The following LONRF1 variants were observed in gnomAD, a reference collection of about 807,000 sequenced individuals.
LONRF1 encodes the protein LON peptidase N-terminal domain and ring finger 1.
A neutral mutation model predicts 85.8 loss-of-function variants in LONRF1; 37 were observed. The ratio of observed to expected loss-of-function variants is 0.43; its 90% CI spans 0.33 to 0.57. The LOEUF (loss-of-function observed/expected upper bound fraction) is 0.57. Ranked by LOEUF, LONRF1 falls within the 20% of genes least tolerant of loss-of-function variation. The pLI is 0.04. For missense variants in LONRF1, 1,036 were observed against 978.0 expected (o/e 1.06, Z -0.79); for synonymous variants, 517 against 390.1 (o/e 1.33, Z -3.83).
intron 11 of LONRF1, among the ~76,000 whole-genome samples, 160 bp from the exon 12 acceptor site, chr8:12,723,414 C>G (rs1173730817): frequency 6.6e-6 from 1 of 152,224 alleles, no homozygotes; most frequent in Non-Finnish European, 1.5e-5. Context: ...ATGGGAGAAA[C>G]TGAAGCTCAG....
intron 11 of LONRF1, 54 bp from the exon 12 acceptor site, chr8:12,723,308 CA>C: frequency 6.6e-7 from 1 of 1,518,484 alleles, no homozygotes; most frequent in Non-Finnish European, 8.9e-7. Flanking sequence ...TATGTAACAA[CA>C]GTAGCAAACC....
intron 1 of LONRF1, among the ~76,000 whole-genome samples, chr8:12,744,497 T>C (rs1175424497): frequency 6.6e-6 from 1 of 152,206 alleles, no homozygotes. Flanking sequence ...AAGTTCAATA[T>C]GATTAATCAA....
At chr8:12,753,951 C>G (rs1309411498) in intron 1 of LONRF1, 1 of 152,388 alleles carries the variant, frequency 6.6e-6, no homozygotes, top group Non-Finnish European at 1.5e-5. Context: ...AGGAAATAAG[C>G]AGGATCTGAA....
At chr8:12,747,900 G>T (rs1014534428) in intron 1 of LONRF1, among the ~76,000 whole-genome samples, 1 of 151,916 alleles carries the variant, frequency 6.6e-6, no homozygotes, top group African/African-American at 2.4e-5. Context: ...TAAAACAAAC[G>T]GCCTCCCATA....
rs1213920772 is a variant in LONRF1, at chr8:12,722,014, T to G, written c.*1082A>C. The G allele has an allele frequency of 6.6e-6, 1 of 152,586 alleles. No individual in the cohort carries two copies. The highest frequency in any genetic ancestry group is 1.5e-5 in the Non-Finnish European group (1 of 68,024). The allele number at this position is 152,586 out of a possible 1,614,324, so 9.5% of individuals were successfully genotyped here. A position where few individuals can be genotyped will look rare whatever the true frequency, so the allele number is the denominator to read the frequency against. ...AAAGTTAATAAGGACAGTCACAAAT[T>G]TGCAACAAATAATTACAAAAGTTTC... On this transcript the variant is annotated 3_prime_UTR_variant, in exon 12 of 12. Coordinates refer to ENST00000398246, the MANE Select transcript of LONRF1 (RefSeq NM_152271.5).
intron 1 of LONRF1, chr8:12,753,424 G>C (rs1799489047): frequency 6.6e-6 from 1 of 152,194 alleles, no homozygotes; most frequent in Admixed American, 6.5e-5. Context: ...CCAATGGATA[G>C]ACACTAAGAT....
At chr8:12,736,833 G>C (rs1159547037) in intron 5 of LONRF1, 36 bp from the exon 6 acceptor site, 19 of 1,584,462 alleles carry the variant, frequency 1.2e-5, no homozygotes, top group Admixed American at 1.9e-5. Flanking sequence ...TCTTCCTTAG[G>C]AAAAACTTTA....
chr8:12,751,296 G>GTTTTTTTTTTTTTGTTT (rs1799381007), intron 1 of LONRF1, among the ~76,000 whole-genome samples: 7 of 69,558 alleles, frequency 1.0e-4, no homozygotes, highest in Non-Finnish European at 2.0e-4. Context: ...TTATTTTTAT[G>GTTTTTTTTTTTTTGTTT]TTTTTTTTTT....
chr8:12,742,141 T>C (rs895366827), intron 2 of LONRF1, among the ~76,000 whole-genome samples: 1 of 152,228 alleles, frequency 6.6e-6, no homozygotes, highest in African/African-American at 2.4e-5. Flanking sequence ...TTTAAAGCCA[T>C]GCACACTGAC....
At chr8:12,742,933 C>A (rs144920682) in intron 2 of LONRF1, among the ~76,000 whole-genome samples, 73 of 152,190 alleles carry the variant, frequency 4.8e-4, no homozygotes, top group African/African-American at 1.7e-3. Context: ...AACATGTTGC[C>A]CAAGCTGGTC....
At chr8:12,742,859 G>A (rs1015243845) in intron 2 of LONRF1, among the ~76,000 whole-genome samples, 1 of 152,008 alleles carries the variant, frequency 6.6e-6, no homozygotes, top group African/African-American at 2.4e-5. Flanking sequence ...TCGAGTAGTT[G>A]GGACTACAGG....
intron 8 of LONRF1, among the ~76,000 whole-genome samples, chr8:12,729,539 A>C (rs1324425878): frequency 2.0e-5 from 3 of 152,208 alleles, no homozygotes; most frequent in Admixed American, 2.0e-4. Context: ...TTAATACTGA[A>C]AATCTGCTGT....
At chr8:12,730,362 C>T (rs529819040) in intron 8 of LONRF1, among the ~76,000 whole-genome samples, 1 of 152,212 alleles carries the variant, frequency 6.6e-6, no homozygotes, top group Admixed American at 6.5e-5. Context: ...ATAGTTGATT[C>T]CCTTTGAGTT....
Position 12,751,296 on chromosome 8 carries a change from G to GTTTTTTTTTTGTTTGT in LONRF1, c.721+3403_721+3404insACAAACAAAAAAAAAA, listed in dbSNP as rs1563160503. Among the ~76,000 whole-genome samples, 231 of 69,528 alleles carry GTTTTTTTTTTGTTTGT rather than the reference G, an allele frequency of 3.3e-3. 5 individuals are homozygous for GTTTTTTTTTTGTTTGT. The South Asian group carries it at 0.036, about 11-fold the overall frequency. The allele number at this position is 69,528 out of a possible 152,430, so 45.6% of individuals were successfully genotyped here. A position where few individuals can be genotyped will look rare whatever the true frequency, so the allele number is the denominator to read the frequency against. ...TCAAGGATTATATTTTTATTTTTAT[G>GTTTTTTTTTTGTTTGT]TTTTTTTTTTTTTTTTTTTTTTTTG... On this transcript the variant is annotated intron_variant, in intron 1 of 11. Transcript: ENST00000398246.
chr8:12,740,971 A>G lies in LONRF1; in HGVS notation c.866T>C (p.Leu289Pro). The G allele has an allele frequency of 6.2e-7, 1 of 1,613,598 alleles. No individual in the cohort carries two copies. Among genetic ancestry groups the G allele is most frequent in the Non-Finnish European group, 8.5e-7 (1 of 1,179,610 alleles). ...ATCACCTAAAAAACCAGCATCGCAG[A>G]GTACTTTTCCTTTCCTGAAGTAGAC... ...PEVYFRKGKV[L>P]CDAGFLGDAL... The change falls in exon 3 of 12, where the codon CTC (leucine) becomes CCC (proline). Residue 289 changes from leucine (L) to proline (P), a missense_variant. Around this residue, in one of 3 missense-constraint regions of LONRF1, gnomAD observed 742 missense variants for 614.4 expected, o/e 1.21. Coordinates refer to ENST00000398246, the MANE Select transcript of LONRF1 (RefSeq NM_152271.5).
chr8:12,743,398 C>A, intron 1 of LONRF1, 116 bp from the exon 2 acceptor site: 1 of 689,216 alleles, frequency 1.5e-6, no homozygotes. Flanking sequence ...TAATAATCAC[C>A]AAACTAAAGT....
chr8:12,742,961 A>G (rs922946450), intron 2 of LONRF1, among the ~76,000 whole-genome samples: 1 of 152,196 alleles, frequency 6.6e-6, no homozygotes, highest in Non-Finnish European at 1.5e-5. Context: ...CCTGGGCTCA[A>G]GCAATCCGTC....
intron 6 of LONRF1, among the ~76,000 whole-genome samples, chr8:12,735,964 G>C (rs1470209185): frequency 1.3e-5 from 2 of 152,068 alleles, no homozygotes; most frequent in African/African-American, 4.8e-5. Context: ...AAACATTACA[G>C]AACAACTAGT....
At chr8:12,727,974 AAATT>A (rs1171109607) in intron 10 of LONRF1, among the ~76,000 whole-genome samples, 3 of 152,228 alleles carry the variant, frequency 2.0e-5, no homozygotes, top group East Asian at 1.9e-4. Flanking sequence ...GCTCTCAGGC[AAATT>A]AATTAACACC....
Sources: gnomAD v4.1 joint callset for allele counts (sites outside exome capture counted in the v4.1 genomes callset) on GRCh38, gnomAD v4.1.1 for gene constraint, gnomAD v4.1.1 regional missense constraint, MANE v1.5 for transcripts, NCBI Gene and HGNC (gene_info 2026-07-23, HGNC 2026-07-21) for gene names.